Variants in TLN2 observed in about 807,000 individuals in gnomAD.
The protein encoded by TLN2 is talin-2.
Under a neutral mutation model 294.7 loss-of-function variants are expected in TLN2, and 118 were observed. The ratio of observed to expected loss-of-function variants is 0.40; its 90% CI spans 0.34 to 0.47. The LOEUF (loss-of-function observed/expected upper bound fraction) is 0.47, where lower values mean the gene tolerates loss of function less well. TLN2 is among the 20% of genes least tolerant of loss of function. TLN2 has a pLI of 0.84. For synonymous variants in TLN2, 1,431 were observed against 1,304.5 expected (o/e 1.10, Z -2.09); for missense variants, 3,083 against 3,282.2 (o/e 0.94, Z 1.48).
At chr15:62,536,300 T>G (rs1372933556) in intron 1 of TLN2, among the ~76,000 whole-genome samples, 1 of 152,182 alleles carries the variant, frequency 6.6e-6, no homozygotes, top group Non-Finnish European at 1.5e-5. Context: ...TGAGAAGGAT[T>G]CTCTAGGATT....
At chr15:62,620,466 T>C (rs115530132) in intron 3 of TLN2, among the ~76,000 whole-genome samples, 5,238 of 151,608 alleles carry the variant, frequency 0.035, 108 homozygotes, top group Non-Finnish European at 0.049. Flanking sequence ...TCTCTCTCTC[T>C]CCCTCCCTCC....
chr15:62,787,585 T>A (rs1375099889), intron 45 of TLN2, among the ~76,000 whole-genome samples: 3 of 152,150 alleles, frequency 2.0e-5, no homozygotes, highest in African/African-American at 7.2e-5. Flanking sequence ...TGAGCTACAT[T>A]CCTTTCTAAT....
At chr15:62,691,403 G>A (rs2057900024) in intron 12 of TLN2, among the ~76,000 whole-genome samples, 1 of 151,548 alleles carries the variant, frequency 6.6e-6, no homozygotes, top group Admixed American at 6.6e-5. Context: ...TTAAAATTTT[G>A]GTTATTGCCT....
chr15:62,572,267 G>A lies in TLN2; in HGVS notation c.-237-17420G>A, dbSNP rs142401153. 2.1e-3 allele frequency among the ~76,000 whole-genome samples: 322 copies of A among 151,946 alleles called. 4 individuals carry two copies. The highest frequency in any genetic ancestry group is 7.4e-3 in the African/African-American group (306 of 41,424). Reference sequence around the variant, plus strand: ...TTTTTTTATTTTTAAATAAGACAGGGTCTTGCTCTGTTACCCAGGCTGGAG... The same window carrying A: ...TTTTTTTATTTTTAAATAAGACAGGATCTTGCTCTGTTACCCAGGCTGGAG... On this transcript the variant is annotated intron_variant, in intron 1 of 58. Transcript: ENST00000636159.
chr15:62,703,400 G>A (rs900955303), intron 19 of TLN2, among the ~76,000 whole-genome samples: 3 of 151,922 alleles, frequency 2.0e-5, no homozygotes, highest in East Asian at 1.9e-4. Context: ...GCGCCTGGCC[G>A]TGATTATTTT....
chr15:62,816,106 C>T (rs2067093897), intron 52 of TLN2, among the ~76,000 whole-genome samples: 1 of 152,216 alleles, frequency 6.6e-6, no homozygotes, highest in South Asian at 2.1e-4. Flanking sequence ...TTTAGAGACT[C>T]CAAATGGAAA....
intron 1 of TLN2, among the ~76,000 whole-genome samples, chr15:62,586,271 G>A (rs2045606489): frequency 6.6e-6 from 1 of 152,212 alleles, no homozygotes; most frequent in African/African-American, 2.4e-5. Flanking sequence ...AGTCGCAGAT[G>A]CTTAATCTAA....
chr15:62,566,485 C>G (rs1346562979), intron 1 of TLN2, among the ~76,000 whole-genome samples: 1 of 151,790 alleles, frequency 6.6e-6, no homozygotes, highest in Admixed American at 6.6e-5. Flanking sequence ...TTAAATATGG[C>G]CAGAAAATAG....
chr15:62,466,536 G>C (rs2037146384), intron 1 of TLN2, among the ~76,000 whole-genome samples: 1 of 152,256 alleles, frequency 6.6e-6, no homozygotes, highest in African/African-American at 2.4e-5. Context: ...CCTGTGGGGT[G>C]AAATTGCTCC....
At chr15:62,785,364 G>A (rs907179782) in intron 45 of TLN2, among the ~76,000 whole-genome samples, 3 of 152,160 alleles carry the variant, frequency 2.0e-5, no homozygotes, top group African/African-American at 7.2e-5. Context: ...GGAAAAGTTT[G>A]CTTGGACAAA....
At chr15:62,778,163 C>T (rs1447355586) in intron 43 of TLN2, among the ~76,000 whole-genome samples, 1 of 152,192 alleles carries the variant, frequency 6.6e-6, no homozygotes, top group Admixed American at 6.5e-5. Flanking sequence ...CAGTCATTGT[C>T]AGCCTGAGAA....
intron 50 of TLN2, among the ~76,000 whole-genome samples, chr15:62,803,591 A>C (rs1456118233): frequency 1.3e-5 from 2 of 152,218 alleles, no homozygotes; most frequent in African/African-American, 4.8e-5. Context: ...CCATTAAAAG[A>C]CGCTTATGCA....
At chr15:62,803,783 A>T (rs1432549272) in intron 50 of TLN2, among the ~76,000 whole-genome samples, 1 of 152,194 alleles carries the variant, frequency 6.6e-6, no homozygotes, top group East Asian at 1.9e-4. Flanking sequence ...ACATATCCCC[A>T]GGATTAGTCC....
intron 1 of TLN2, among the ~76,000 whole-genome samples, chr15:62,509,300 G>A (rs979112449): frequency 1.6e-4 from 24 of 152,206 alleles, no homozygotes; most frequent in African/African-American, 2.6e-4. Context: ...TTTGAGAAAT[G>A]ACCTTTGTAT....
chr15:62,820,401 T>C, intron 53 of TLN2, 85 bp from the exon 54 acceptor site: 1 of 1,478,188 alleles, frequency 6.8e-7, no homozygotes, highest in Non-Finnish European at 9.1e-7. Context: ...CCTTCATGCA[T>C]GCAAATCCAG....
At chr15:62,633,586 G>A (rs900763400) in intron 3 of TLN2, among the ~76,000 whole-genome samples, 1 of 152,186 alleles carries the variant, frequency 6.6e-6, no homozygotes, top group African/African-American at 2.4e-5. Flanking sequence ...TTTTAGGCGT[G>A]AGGCCCAGCT....
At chr15:62,728,794 T>G (rs2060569755) in intron 28 of TLN2, among the ~76,000 whole-genome samples, 1 of 152,190 alleles carries the variant, frequency 6.6e-6, no homozygotes, top group Non-Finnish European at 1.5e-5. Flanking sequence ...ATTTCTTGTA[T>G]ATTGTGATTT....
At chr15:62,453,398 A>T (rs1463382426) in intron 1 of TLN2, among the ~76,000 whole-genome samples, 1 of 152,074 alleles carries the variant, frequency 6.6e-6, no homozygotes, top group African/African-American at 2.4e-5. Context: ...TGCACATGGC[A>T]GGTGCCAAAA....
chr15:62,437,750 G>GCT (rs1555407261), intron 1 of TLN2, among the ~76,000 whole-genome samples: 6 of 73,768 alleles, frequency 8.1e-5, no homozygotes, highest in African/African-American at 2.1e-4. Flanking sequence ...AAACACCATG[G>GCT]GGGTGTGTGT....
Sources: allele counts gnomAD v4.1 joint callset (sites outside exome capture counted in the v4.1 genomes callset), GRCh38; gene constraint gnomAD v4.1.1; transcripts MANE v1.5; gene names NCBI Gene and HGNC (gene_info 2026-07-23, HGNC 2026-07-21).